The following AGAP1 variants were observed in gnomAD, a reference collection of about 807,000 sequenced individuals.
AGAP1 encodes the protein arf-GAP with GTPase, ANK repeat and PH domain-containing protein 1.
Under a neutral mutation model 105.3 loss-of-function variants are expected in AGAP1, and 29 were observed. That is an observed-to-expected ratio of 0.28 (90% CI 0.21 to 0.38). The LOEUF is 0.38. Among genes scored for constraint, AGAP1 ranks in the 10% least tolerant of loss-of-function variants. The probability of loss-of-function intolerance (pLI) is 1.00; values close to 1 mark genes in which losing one functional copy is unlikely to be tolerated. For synonymous variants in AGAP1, 509 were observed against 485.9 expected, an observed-to-expected ratio of 1.05 and a Z score of -0.63; for missense variants, 998 against 1,165.1, an observed-to-expected ratio of 0.86 and a Z score of 2.09.
chr2:235,965,443 G>A lies in AGAP1; in HGVS notation c.1484-3019G>A, dbSNP rs1291733946. Among the ~76,000 whole-genome samples the A allele has an allele frequency of 4.6e-5, 7 of 152,174 alleles. No homozygotes were observed. Among genetic ancestry groups the A allele is most frequent in the African/African-American group, 1.7e-4 (7 of 41,444 alleles). ...GCCGTTTTGAAGAAGCAATGGTGAA[G>A]GAAGCCAGACTTCAAGGAGTCAGGA... On this transcript the variant is annotated intron_variant, in intron 12 of 17. Transcript: ENST00000304032. This position sits in a 1 kb window ranked among gnomAD's most constrained non-coding sequence, Gnocchi z 5.8.
intron 6 of AGAP1, among the ~76,000 whole-genome samples, chr2:235,780,147 C>G (rs769490147): frequency 3.9e-5 from 6 of 152,070 alleles, no homozygotes; most frequent in South Asian, 2.1e-4. Flanking sequence ...CCTGTTTTCA[C>G]CATTTCTTGA....
At chr2:235,990,576 G>T (rs562766223) in intron 13 of AGAP1, among the ~76,000 whole-genome samples, 2 of 152,210 alleles carry the variant, frequency 1.3e-5, no homozygotes, top group Non-Finnish European at 2.9e-5. Context: ...CCAACATGGT[G>T]GCTGGGTTCC....
rs961236495 is a variant in AGAP1, at chr2:236,072,127, T to G, written c.2114+22846T>G. On this transcript the variant is annotated intron_variant, in intron 16 of 17. Transcript: ENST00000304032. ...TCCAAAAGTAGTCTTCGTTGTGGGT[T>G]TTTTTTTTTTTTTTTTTTTTTAGAG... Among the ~76,000 whole-genome samples, 105 of 63,054 alleles carry G rather than the reference T, an allele frequency of 1.7e-3. 3 individuals carry two copies. In the South Asian group the frequency reaches 0.062, roughly 37 times the overall value. The allele number at this position is 63,054 out of a possible 152,430, so 41.4% of individuals were successfully genotyped here.
Position 235,559,952 on chromosome 2 carries a change from CT to C in AGAP1, c.163+65105del, listed in dbSNP as rs941269693. Among the ~76,000 whole-genome samples the C allele has an allele frequency of 1.3e-5, 2 of 151,782 alleles. No homozygotes were observed. Among genetic ancestry groups the C allele is most frequent in the Non-Finnish European group, 2.9e-5 (2 of 67,938 alleles). On this transcript the variant is annotated intron_variant, in intron 1 of 17. Transcript: ENST00000304032. The surrounding 1 kb of genome is among the most constrained non-coding windows in gnomAD (Gnocchi z 5.7). ...TTTCTGTGGTTTGTCCATTAATGTT[CT>C]TGATATTCTTTGAGGTACTAAAGCT...
rs190307054 is a variant in AGAP1, at chr2:235,703,043, C to T, written c.164-6136C>T. 1.9e-3 allele frequency among the ~76,000 whole-genome samples: 285 copies of T among 149,568 alleles called. 3 individuals are homozygous for T. Among genetic ancestry groups the T allele is most frequent in the African/African-American group, 6.7e-3 (274 of 40,854 alleles). ...CCCGGGTTTAAGCAATTCTCCTGCC[C>T]CAGCCTCCTGAGTAGCTGGGATTAC... is the stretch of plus-strand genomic sequence containing the variant. On this transcript the variant is annotated intron_variant, in intron 1 of 17. Transcript: ENST00000304032.
chr2:235,601,060 G>A lies in AGAP1; in HGVS notation c.163+106211G>A, dbSNP rs768798575. On this transcript the variant is annotated intron_variant, in intron 1 of 17. Coordinates refer to ENST00000304032, the MANE Select transcript of AGAP1 (RefSeq NM_001037131.3). This position sits in a 1 kb window ranked among gnomAD's most constrained non-coding sequence, Gnocchi z 4.4. ...CAAGCTGGGAAACGCCACTGCCACA[G>A]TACCTGCAGGGTCCAGCCAGCTCCC... Among the ~76,000 whole-genome samples, 1 of 152,146 alleles carries A rather than the reference G, an allele frequency of 6.6e-6. No individual in the cohort carries two copies. Among genetic ancestry groups the A allele is most frequent in the East Asian group, 1.9e-4 (1 of 5,196 alleles).
intron 6 of AGAP1, among the ~76,000 whole-genome samples, chr2:235,784,668 T>TA (rs1311861279): frequency 2.0e-5 from 3 of 150,986 alleles, no homozygotes; most frequent in African/African-American, 4.9e-5. Flanking sequence ...AGCCATGGCC[T>TA]ATGCAAAAAA....
rs2049086365 is a variant in AGAP1 at position 235,864,894 on chromosome 2, G to T, written c.1051-18451G>T. On this transcript the variant is annotated intron_variant, in intron 9 of 17. Transcript: ENST00000304032. The surrounding 1 kb of genome is among the most constrained non-coding windows in gnomAD (Gnocchi z 5.0). The stretch of plus-strand genomic sequence containing the variant: ...TTGATTAGCATTTGGTTCTGGTTGG[G>T]ACTTAATAATGCTAGCCAGACCTAA... Among the ~76,000 whole-genome samples the T allele has an allele frequency of 1.3e-5, 2 of 152,090 alleles. No individual in the cohort carries two copies. Among genetic ancestry groups the T allele is most frequent in the South Asian group, 2.1e-4 (1 of 4,816 alleles).
rs944915501 is a variant in AGAP1 at position 235,931,833 on chromosome 2, G to A, written c.1483+910G>A. On this transcript the variant is annotated intron_variant, in intron 12 of 17. Coordinates refer to ENST00000304032, the MANE Select transcript of AGAP1 (RefSeq NM_001037131.3). The surrounding 1 kb of genome is among the most constrained non-coding windows in gnomAD (Gnocchi z 5.6). Reference sequence around the variant, plus strand: ...AAGGAAGACATCTCCAAACCAAGCCGGGAGACGCGGAGTCAGCGAGGTAGC... The same window carrying A: ...AAGGAAGACATCTCCAAACCAAGCCAGGAGACGCGGAGTCAGCGAGGTAGC... Among the ~76,000 whole-genome samples the A allele has an allele frequency of 1.9e-4, 29 of 151,942 alleles. No individual in the cohort carries two copies. Among genetic ancestry groups the A allele is most frequent in the African/African-American group, 4.8e-4 (20 of 41,348 alleles).
At chr2:235,773,717 T>C in intron 6 of AGAP1, 1 of 338,474 alleles carries the variant, frequency 3.0e-6, no homozygotes, top group East Asian at 8.2e-5. Flanking sequence ...GGGAATGGAC[T>C]GGTGAGTCAT....
rs200760256 is a variant in AGAP1, at chr2:235,908,889, A to G, written c.1307A>G (p.His436Arg). Residue 436 changes from histidine to arginine, a missense_variant, in exon 11 of 18, where the codon CAC becomes CGC. Physicochemically the swap from His to Arg is conservative, Grantham distance 29. This residue lies in a region of AGAP1 where 735 missense variants were observed against 833.4 expected (regional missense o/e 0.88). Transcript: ENST00000304032. The surrounding 1 kb of genome is among the most constrained non-coding windows in gnomAD (Gnocchi z 4.4). ...NGLSKDMSSL[H>R]ISPNSGNVTS... ...CTATCCAAGGACATGAGCAGTTTAC[A>G]CATCTCACCCAATTCAGGTAAGCTT... is the stretch of plus-strand genomic sequence containing the variant. 8.7e-5 allele frequency: 140 copies of G among 1,612,330 alleles called. No individual in the cohort carries two copies. The highest frequency in any genetic ancestry group is 1.2e-4 in the Non-Finnish European group (137 of 1,179,072).
intron 1 of AGAP1, among the ~76,000 whole-genome samples, chr2:235,572,973 TTTTTTCTTCTTC>T (rs1486077222): frequency 1.5e-5 from 2 of 136,946 alleles, no homozygotes; most frequent in South Asian, 2.3e-4. Flanking sequence ...TTGCTCCATC[TTTTTTCTTCTTC>T]TTCTTCTTCT....
chr2:235,695,238 C>T (rs947082113), intron 1 of AGAP1, among the ~76,000 whole-genome samples: 1 of 152,166 alleles, frequency 6.6e-6, no homozygotes, highest in Non-Finnish European at 1.5e-5. Context: ...TCAGTTCACT[C>T]CATAATAGCT....
chr2:235,602,667 T>A (rs1421159674), intron 1 of AGAP1, among the ~76,000 whole-genome samples: 1 of 152,084 alleles, frequency 6.6e-6, no homozygotes, highest in Admixed American at 6.5e-5. Flanking sequence ...TTATCCTGTT[T>A]CCATTTTCCT....
chr2:235,783,665 C>T (rs903340663), intron 6 of AGAP1, among the ~76,000 whole-genome samples: 1 of 151,806 alleles, frequency 6.6e-6, no homozygotes, highest in South Asian at 2.1e-4. Context: ...AGTTCTACAA[C>T]GGGCAAACTG....
At position 236,125,939 on chromosome 2, in the gene AGAP1, A is replaced by G. The variant is rs2059997061; in HGVS notation, c.*1817A>G. The G allele has an allele frequency of 6.6e-6, 1 of 152,082 alleles. No individual in the cohort carries two copies. The highest frequency in any genetic ancestry group is 2.4e-5 in the African/African-American group (1 of 41,318). 9.4% of individuals were successfully genotyped at this position (152,082 alleles called of 1,614,324 possible). ...CACTAGACTCATGTAGCACAGAAACATGAAGCCACACGCACCGGCAGCCTC... is the reference window on the plus strand; with the variant it reads ...CACTAGACTCATGTAGCACAGAAACGTGAAGCCACACGCACCGGCAGCCTC... On this transcript the variant is annotated 3_prime_UTR_variant, in exon 18 of 18. Coordinates refer to ENST00000304032, the MANE Select transcript of AGAP1 (RefSeq NM_001037131.3). This position sits in a 1 kb window ranked among gnomAD's most constrained non-coding sequence, Gnocchi z 5.2.
rs1186740766 is a variant in AGAP1, at chr2:235,690,090, A to G, written c.164-19089A>G. ...CTCTCCCTCGGGGTTTTCATGCAGTATTGACACTCTCTTCTCCCCAGGTGC... is the reference window on the plus strand; with the variant it reads ...CTCTCCCTCGGGGTTTTCATGCAGTGTTGACACTCTCTTCTCCCCAGGTGC... On this transcript the variant is annotated intron_variant, in intron 1 of 17. Coordinates refer to ENST00000304032, the MANE Select transcript of AGAP1 (RefSeq NM_001037131.3). This position sits in a 1 kb window ranked among gnomAD's most constrained non-coding sequence, Gnocchi z 4.1. Among the ~76,000 whole-genome samples, 1 of 151,936 alleles carries G rather than the reference A, an allele frequency of 6.6e-6. No individual in the cohort carries two copies. Among genetic ancestry groups the G allele is most frequent in the African/African-American group, 2.4e-5 (1 of 41,336 alleles).
chr2:235,859,395 C>CG lies in AGAP1; in HGVS notation c.1051-23950_1051-23949insG, dbSNP rs1341287994. 1.3e-4 allele frequency among the ~76,000 whole-genome samples: 6 copies of CG among 45,444 alleles called. 1 individual carries two copies. The East Asian group carries it at 9.2e-3, about 69-fold the overall frequency. 29.8% of individuals were successfully genotyped at this position (45,444 alleles called of 152,430 possible). A position where few individuals can be genotyped will look rare whatever the true frequency, so the allele number is the denominator to read the frequency against. Reference sequence around the variant, plus strand: ...TCTGCAACTCTCCCCCCACAACCTCCCCCCCCCCCCCCGCCTTTTGTTCCA... The same window carrying CG: ...TCTGCAACTCTCCCCCCACAACCTCCGCCCCCCCCCCCCGCCTTTTGTTCCA... On this transcript the variant is annotated intron_variant, in intron 9 of 17. Transcript: ENST00000304032.
chr2:235,514,246 A>G (rs944020042), intron 1 of AGAP1, among the ~76,000 whole-genome samples: 7 of 152,260 alleles, frequency 4.6e-5, no homozygotes, highest in African/African-American at 1.7e-4. Flanking sequence ...TAACCCATAA[A>G]TAGATCCCAA....
Sources: allele counts gnomAD v4.1 joint callset (sites outside exome capture counted in the v4.1 genomes callset), GRCh38; gene constraint gnomAD v4.1.1; regional missense constraint gnomAD v4.1.1; non-coding constraint Gnocchi (gnomAD v3.1); transcripts MANE v1.5; gene names NCBI Gene and HGNC (gene_info 2026-07-23, HGNC 2026-07-21).